Variants in STARD13 observed in about 807,000 individuals in gnomAD.
STARD13 encodes StAR related lipid transfer domain containing 13, also known as stAR-related lipid transfer protein 13.
In STARD13, 62 loss-of-function variants were observed where a neutral mutation model predicts 106.4. The observed-to-expected ratio is 0.58, with a 90% CI of 0.48 to 0.72. STARD13 has a LOEUF of 0.72. STARD13 is among the 30% of genes least tolerant of loss of function. STARD13 has a pLI of 0.00. For synonymous variants in STARD13, 565 were observed against 553.0 expected (o/e 1.02, Z -0.31); for missense variants, 1,387 against 1,424.0 (o/e 0.97, Z 0.42).
chr13:33,220,043 C>T (rs1021528757), intron 1 of STARD13, among the ~76,000 whole-genome samples: 1 of 152,112 alleles, frequency 6.6e-6, no homozygotes, highest in African/African-American at 2.4e-5. Context: ...GGCTTTAATG[C>T]CTGTCTTTTC....
At chr13:33,152,989 G>A (rs569276111) in intron 3 of STARD13, among the ~76,000 whole-genome samples, 120 of 152,202 alleles carry the variant, frequency 7.9e-4, no homozygotes, top group Non-Finnish European at 1.5e-3. Flanking sequence ...AGCAGTTCAT[G>A]AGGGCAGTAT....
chr13:33,599,709 A>G, the STARD13 span, among the ~76,000 whole-genome samples: 2 of 152,200 alleles, frequency 1.3e-5, no homozygotes. Flanking sequence ...TATGAGAGAG[A>G]GAGTGAGAGG....
the STARD13 span, among the ~76,000 whole-genome samples, chr13:33,524,012 G>T: frequency 2.0e-3 from 311 of 152,150 alleles, 1 homozygote; most frequent in African/African-American, 7.2e-3. Flanking sequence ...TTCAGCAAGA[G>T]CATTTTTTTC....
chr13:33,464,644 C>T, the STARD13 span, among the ~76,000 whole-genome samples: 5 of 152,080 alleles, frequency 3.3e-5, no homozygotes, highest in Non-Finnish European at 7.4e-5. Context: ...GAGGCAAGAA[C>T]TCAAGACCAG....
At chr13:33,386,750 G>C in the STARD13 span, among the ~76,000 whole-genome samples, 1 of 152,060 alleles carries the variant, frequency 6.6e-6, no homozygotes, top group Non-Finnish European at 1.5e-5. Flanking sequence ...TATACGCCAA[G>C]TTCTCTGGTT....
chr13:33,660,090 A>G, the STARD13 span, among the ~76,000 whole-genome samples: 1 of 152,198 alleles, frequency 6.6e-6, no homozygotes, highest in African/African-American at 2.4e-5. Context: ...GAGGCCAGGT[A>G]GGCAGGTGTG....
At chr13:33,136,120 CA>C (rs559244711) in intron 4 of STARD13, among the ~76,000 whole-genome samples, 1,918 of 145,328 alleles carry the variant, frequency 0.013, 38 homozygotes, top group African/African-American at 0.043. Context: ...GACTCTACCT[CA>C]AAAAAAAAAA....
chr13:33,142,509 A>C (rs1464786736), intron 3 of STARD13, 136 bp from the exon 4 acceptor site: 2 of 743,732 alleles, frequency 2.7e-6, no homozygotes, highest in African/African-American at 3.5e-5. Flanking sequence ...TACTGCACCC[A>C]CAGAAGGTAT....
At chr13:33,275,943 A>C (rs1891406902) in intron 1 of STARD13, 1 of 152,254 alleles carries the variant, frequency 6.6e-6, no homozygotes, top group Non-Finnish European at 1.5e-5. Flanking sequence ...GTGATAACAC[A>C]TAAAAATTCC....
chr13:33,236,161 A>C (rs1216237722), intron 1 of STARD13, among the ~76,000 whole-genome samples: 4 of 152,204 alleles, frequency 2.6e-5, no homozygotes, highest in Non-Finnish European at 5.9e-5. Context: ...ATTTTTGAAG[A>C]TTGAATCACT....
chr13:33,460,108 C>G, the STARD13 span, among the ~76,000 whole-genome samples: 3 of 152,026 alleles, frequency 2.0e-5, no homozygotes, highest in Admixed American at 1.3e-4. Context: ...AAAATTTAGG[C>G]CATTATGTCT....
rs553359255 is a variant in STARD13, at chr13:33,118,070, T to C, written c.2276A>G (p.Tyr759Cys). The change falls in exon 8 of 14, where the codon TAT (tyrosine) becomes TGT (cysteine). Residue 759 changes from tyrosine (Y) to cysteine (C), a missense_variant. Physicochemically the swap from Tyr to Cys is radical, Grantham distance 194. Coordinates refer to ENST00000336934, the MANE Select transcript of STARD13 (RefSeq NM_178006.4). ...NKLSETFLHI[Y>C]QYVSKEQRLQ... ...ATCTCATTATTTCCACTTACACTGA[T>C]AGATATGGAGAAAGGTCTCACTGAG... 13 of 1,614,230 alleles carry C rather than the reference T, an allele frequency of 8.1e-6. No individual in the cohort carries two copies. The highest frequency in any genetic ancestry group is 1.7e-5 in the Admixed American group (1 of 60,026).
At chr13:33,414,032 C>CAAAAAAAA in the STARD13 span, among the ~76,000 whole-genome samples, 79 of 48,054 alleles carry the variant, frequency 1.6e-3, no homozygotes, top group Middle Eastern at 0.021. Context: ...GATTCCCTCT[C>CAAAAAAAA]AAAAAAAAAA....
chr13:33,138,842 C>T (rs373873106), intron 4 of STARD13: 16 of 477,868 alleles, frequency 3.3e-5, no homozygotes, highest in Non-Finnish European at 6.8e-5. Context: ...ATCTCGAATC[C>T]TTAAAGGGTC....
At chr13:33,154,029 G>A (rs1296318884) in intron 3 of STARD13, among the ~76,000 whole-genome samples, 1 of 152,226 alleles carries the variant, frequency 6.6e-6, no homozygotes, top group Non-Finnish European at 1.5e-5. Flanking sequence ...AGGTCTCCAT[G>A]CTGGCGGACT....
chr13:33,488,137 T>G, the STARD13 span, among the ~76,000 whole-genome samples: 7 of 152,306 alleles, frequency 4.6e-5, no homozygotes, highest in East Asian at 1.3e-3. Context: ...ACATATTCCC[T>G]AAGGTTCTGT....
chr13:33,421,880 C>T, the STARD13 span, among the ~76,000 whole-genome samples: 46 of 152,192 alleles, frequency 3.0e-4, no homozygotes, highest in South Asian at 1.9e-3. Flanking sequence ...AAAAGGCCTT[C>T]GACAAAATTC....
At chr13:33,538,348 T>C in the STARD13 span, among the ~76,000 whole-genome samples, 1 of 152,130 alleles carries the variant, frequency 6.6e-6, no homozygotes, top group Non-Finnish European at 1.5e-5. Context: ...GAGAAGAGAT[T>C]GCTTTCAGGA....
At chr13:33,286,870 A>ATATATATGTGTGTATATATATGTG (rs1341702639), upstream of STARD13, among the ~76,000 whole-genome samples, 24 of 152,188 alleles carry the variant, frequency 1.6e-4, no homozygotes, top group African/African-American at 5.1e-4. Flanking sequence ...ATACGTGTAT[A>ATATATATGTGTGTATATATATGTG]TATATATGTG....
Sources: gnomAD v4.1 joint callset for allele counts (sites outside exome capture counted in the v4.1 genomes callset) on GRCh38, gnomAD v4.1.1 for gene constraint, MANE v1.5 for transcripts, NCBI Gene and HGNC (gene_info 2026-07-23, HGNC 2026-07-21) for gene names.